Variants in TRPV6 observed in about 807,000 individuals in gnomAD.
TRPV6 encodes the protein transient receptor potential cation channel subfamily V member 6, also known as Alu-binding protein with zinc finger domain.
A neutral mutation model predicts 79.0 loss-of-function variants in TRPV6; 39 were observed. That is an observed-to-expected ratio of 0.49 (90% CI 0.38 to 0.64). The LOEUF (loss-of-function observed/expected upper bound fraction) is 0.64, where lower values mean the gene tolerates loss of function less well. TRPV6 is among the 30% of genes least tolerant of loss of function. The probability of loss-of-function intolerance (pLI) is 0.00; values close to 1 mark genes in which losing one functional copy is unlikely to be tolerated. For synonymous variants in TRPV6, 373 were observed against 391.9 expected (o/e 0.95, Z 0.57); for missense variants, 813 against 1,011.1 (o/e 0.80, Z 2.66).
intron 8 of TRPV6, 60 bp downstream of exon 8, chr7:142,875,408 A>C (rs1795037623): frequency 1.3e-6 from 2 of 1,485,122 alleles, no homozygotes; most frequent in Non-Finnish European, 1.8e-6. Flanking sequence ...AAGGGACACC[A>C]GTCTCTGAGG....
At chr7:142,877,813 G>A (rs1411665960) in intron 2 of TRPV6, 40 bp from the exon 3 acceptor site, 1 of 1,613,744 alleles carries the variant, frequency 6.2e-7, no homozygotes. Flanking sequence ...GCTTCTGTGG[G>A]ACAGCGGATT....
intron 13 of TRPV6, 49 bp from the exon 14 acceptor site, chr7:142,872,527 C>A: frequency 6.4e-7 from 1 of 1,568,262 alleles, no homozygotes; most frequent in Non-Finnish European, 8.7e-7. Flanking sequence ...TGGGCGCAGA[C>A]AGAGGTAGGG....
At chr7:142,874,746 C>T in intron 10 of TRPV6, 90 bp from the exon 11 acceptor site, 2 of 1,561,192 alleles carry the variant, frequency 1.3e-6, no homozygotes, top group East Asian at 2.3e-5. Flanking sequence ...AGTACCCACA[C>T]ATGCAGATTC....
intron 1 of TRPV6, chr7:142,880,526 T>C (rs1233129865): frequency 6.6e-6 from 1 of 152,208 alleles, no homozygotes; most frequent in Admixed American, 6.5e-5. Flanking sequence ...AATCTAGAAA[T>C]GGGTCCGAGA....
intron 1 of TRPV6, chr7:142,885,117 C>T (rs1464262382): frequency 3.5e-6 from 1 of 289,110 alleles, no homozygotes; most frequent in African/African-American, 2.2e-5. Flanking sequence ...AGCAAGACGC[C>T]TGGCCCTTAG....
At chr7:142,877,518 G>C in intron 3 of TRPV6, 133 bp downstream of exon 3, 1 of 1,487,066 alleles carries the variant, frequency 6.7e-7, no homozygotes, top group Non-Finnish European at 9.0e-7. Flanking sequence ...ACACGGAAGG[G>C]AGACAGAGAA....
rs377053616 is a variant in TRPV6 at position 142,877,304 on chromosome 7, A to G, written c.470-25T>C. The G allele has an allele frequency of 2.5e-6, 4 of 1,611,928 alleles. No homozygotes were observed. In the African/African-American group the frequency reaches 5.3e-5, roughly 22 times the overall value. ...CCTGGCCCAGAGACAGCTGTCAGTC[A>G]CGGGTCTGTCCCCAGGATCCTGCAG... On this transcript the variant is annotated intron_variant, in intron 3 of 14. Coordinates refer to ENST00000359396, the MANE Select transcript of TRPV6 (RefSeq NM_018646.6).
At position 142,885,453 on chromosome 7, in the gene TRPV6, A is replaced by G. The variant is rs781228290; in HGVS notation, c.184T>C (p.Trp62Arg). 1.2e-6 allele frequency: 2 copies of G among 1,613,832 alleles called. No individual in the cohort carries two copies. The highest frequency in any genetic ancestry group is 1.7e-5 in the Admixed American group (1 of 59,986). The stretch of plus-strand genomic sequence containing the variant: ...GCCCAGGACTCCCGTCTCTGGAACC[A>G]TCTGCAGAACTTGCTCCATAGGCAG... Residue 62 changes from tryptophan to arginine, a missense_variant, in exon 1 of 15, where the codon TGG becomes CGG. Transcript: ENST00000359396.
At position 142,872,450 on chromosome 7, in the gene TRPV6, C is replaced by T. The variant is rs751323691; in HGVS notation, c.1937G>A (p.Arg646Gln). ...AGGCCACAGGCAGCGAGGCAGCTTC[C>T]GCTCCAGCATCACTGTGGTGGCCAC... Residue 646 changes from arginine (R) to glutamine (Q), a missense_variant, in exon 14 of 15, where the codon CGG (arginine) becomes CAG (glutamine). Coordinates refer to ENST00000359396, the MANE Select transcript of TRPV6 (RefSeq NM_018646.6). 45 of 1,613,972 alleles carry T rather than the reference C, an allele frequency of 2.8e-5. No individual in the cohort carries two copies. The highest frequency in any genetic ancestry group is 3.3e-4 in the Middle Eastern group (2 of 6,084).
At chr7:142,885,356 G>C (rs1202644022) in intron 1 of TRPV6, 33 bp downstream of exon 1, 1 of 1,589,554 alleles carries the variant, frequency 6.3e-7, no homozygotes, top group East Asian at 2.3e-5. Flanking sequence ...GGCCTGGGGA[G>C]GTGGGGAAGG....
chr7:142,871,700 C>T lies in TRPV6; in HGVS notation c.*7G>A. 6.3e-7 allele frequency: 1 copy of T among 1,575,190 alleles called. No individual in the cohort carries two copies. Among genetic ancestry groups the T allele is most frequent in the Admixed American group, 1.8e-5 (1 of 55,418 alleles). ...CAAGTTCCAGGAAGCGAAGTGAGAACACGCAGTCAGATCTGATATTCCCAG... is the reference window on the plus strand; with the variant it reads ...CAAGTTCCAGGAAGCGAAGTGAGAATACGCAGTCAGATCTGATATTCCCAG... On this transcript the variant is annotated 3_prime_UTR_variant, in exon 15 of 15. Coordinates refer to ENST00000359396, the MANE Select transcript of TRPV6 (RefSeq NM_018646.6).
At chr7:142,872,329 G>C in intron 14 of TRPV6, 43 bp downstream of exon 14, 1 of 1,600,014 alleles carries the variant, frequency 6.2e-7, no homozygotes, top group Non-Finnish European at 8.6e-7. Flanking sequence ...ATACCCTGCC[G>C]ATGAGGCTTC....
intron 11 of TRPV6, 144 bp downstream of exon 11, chr7:142,874,347 G>A (rs190597881): frequency 7.9e-7 from 1 of 1,268,038 alleles, no homozygotes; most frequent in Admixed American, 2.0e-5. Flanking sequence ...TTTTTAAAAG[G>A]ATTGTTAAAA....
rs1794995873 is a variant in TRPV6, at chr7:142,873,816, A to G, written c.1640-100T>C. ...TGTCCATCCTGGTCCCTTCATCTCA[A>G]TATCACCAGCTCTGCAGTGCTCCAA... On this transcript the variant is annotated intron_variant, in intron 12 of 14. Transcript: ENST00000359396. This position sits in a 1 kb window ranked among gnomAD's most constrained non-coding sequence, Gnocchi z 4.8. 1.3e-6 allele frequency: 2 copies of G among 1,514,248 alleles called. No individual in the cohort carries two copies. The highest frequency in any genetic ancestry group is 1.4e-5 in the African/African-American group (1 of 72,874). The allele number at this position is 1,514,248 out of a possible 1,614,324, so 93.8% of individuals were successfully genotyped here.
In TRPV6 at chr7:142,876,673, C is replaced by A. The variant is rs1399781729; in HGVS notation, c.706+66G>T. On this transcript the variant is annotated intron_variant, in intron 5 of 14. Coordinates refer to ENST00000359396, the MANE Select transcript of TRPV6 (RefSeq NM_018646.6). ...CTGAGGTCTTCCTGAAGGTCCCAGCCCCTCTCCTCACCCTGTCCCTCACTC... is the reference window on the plus strand; with the variant it reads ...CTGAGGTCTTCCTGAAGGTCCCAGCACCTCTCCTCACCCTGTCCCTCACTC... 346 of 1,612,790 alleles carry A rather than the reference C, an allele frequency of 2.1e-4. 3 individuals are homozygous for A. Among genetic ancestry groups the A allele is most frequent in the Non-Finnish European group, 8.2e-5 (97 of 1,179,506 alleles).
rs1794911606 is a variant in TRPV6, at chr7:142,871,227, T to C, written c.*480A>G. 1.9e-6 allele frequency: 1 copy of C among 528,240 alleles called. No homozygotes were observed. Among genetic ancestry groups the C allele is most frequent in the African/African-American group, 1.9e-5 (1 of 52,752 alleles). 32.7% of individuals were successfully genotyped at this position (528,240 alleles called of 1,614,324 possible). On this transcript the variant is annotated 3_prime_UTR_variant, in exon 15 of 15. Coordinates refer to ENST00000359396, the MANE Select transcript of TRPV6 (RefSeq NM_018646.6). ...CTGGGCAGGGATCCGAAAACGACTT[T>C]ATTGAAGATGGAGTTGGCAAGACCT...
At chr7:142,881,566 G>A (rs1322820749) in intron 1 of TRPV6, 1 of 152,164 alleles carries the variant, frequency 6.6e-6, no homozygotes, top group African/African-American at 2.4e-5. Flanking sequence ...AGAGATTATA[G>A]AGCAAATCTG....
intron 1 of TRPV6, chr7:142,884,418 A>T (rs1795257078): frequency 6.6e-6 from 1 of 152,328 alleles, no homozygotes; most frequent in Non-Finnish European, 1.5e-5. Context: ...ATGACCAGAC[A>T]TCTGCCTCCT....
chr7:142,877,595 C>T (rs999070332), intron 3 of TRPV6, 56 bp downstream of exon 3: 221 of 1,586,022 alleles, frequency 1.4e-4, no homozygotes, highest in Non-Finnish European at 1.8e-4. Flanking sequence ...CAGAGACTGA[C>T]TTGAAATACC....
Sources: gnomAD v4.1 joint callset for allele counts on GRCh38, gnomAD v4.1.1 for gene constraint, Gnocchi (gnomAD v3.1) non-coding constraint, MANE v1.5 for transcripts, NCBI Gene and HGNC (gene_info 2026-07-23, HGNC 2026-07-21) for gene names.